Variants in GABRG2 observed in about 807,000 individuals in gnomAD.
GABRG2 encodes the protein gamma-aminobutyric acid receptor subunit gamma-2.
A neutral mutation model predicts 56.4 loss-of-function variants in GABRG2; 16 were observed. That is an observed-to-expected ratio of 0.28 (90% CI 0.19 to 0.43). GABRG2 has a LOEUF of 0.43. Among genes scored for constraint, GABRG2 ranks in the 20% least tolerant of loss-of-function variants. GABRG2 has a pLI of 1.00. For synonymous variants in GABRG2, 208 were observed against 205.5 expected (o/e 1.01, Z -0.10); for missense variants, 327 against 582.7 (o/e 0.56, Z 4.52).
chr5:162,131,966 T>C (rs1184304204), intron 6 of GABRG2, among the ~76,000 whole-genome samples: 1 of 151,692 alleles, frequency 6.6e-6, no homozygotes, highest in East Asian at 1.9e-4. Flanking sequence ...ACTTAGGTTT[T>C]GGGTGGCATT....
intron 6 of GABRG2, among the ~76,000 whole-genome samples, chr5:162,117,939 A>G (rs1406461662): frequency 2.6e-5 from 4 of 152,134 alleles, no homozygotes; most frequent in African/African-American, 7.2e-5. Flanking sequence ...CATTTCACAT[A>G]TGAAAGACAC....
At chr5:162,108,946 C>T (rs960864170) in intron 6 of GABRG2, among the ~76,000 whole-genome samples, 5 of 152,058 alleles carry the variant, frequency 3.3e-5, no homozygotes, top group African/African-American at 1.2e-4. Flanking sequence ...GTGAGTAGTG[C>T]CACAATAAAC....
intron 6 of GABRG2, among the ~76,000 whole-genome samples, chr5:162,122,308 G>A (rs1330540914): frequency 6.6e-6 from 1 of 151,832 alleles, no homozygotes; most frequent in Non-Finnish European, 1.5e-5. Flanking sequence ...CTATGAGTTA[G>A]GCCTCTGCTG....
At chr5:162,113,415 A>T (rs1762393725) in intron 6 of GABRG2, among the ~76,000 whole-genome samples, 1 of 152,198 alleles carries the variant, frequency 6.6e-6, no homozygotes, top group South Asian at 2.1e-4. Context: ...TGATGACAAG[A>T]AGATATACTA....
At chr5:162,111,191 G>C (rs1477845315) in intron 6 of GABRG2, among the ~76,000 whole-genome samples, 2 of 152,066 alleles carry the variant, frequency 1.3e-5, no homozygotes, top group Non-Finnish European at 2.9e-5. Context: ...AAAACATACT[G>C]CTTGGGGTTT....
At chr5:162,078,431 G>A in intron 1 of GABRG2, among the ~76,000 whole-genome samples, 1 of 66,084 alleles carries the variant, frequency 1.5e-5, no homozygotes, top group Non-Finnish European at 2.8e-5. Flanking sequence ...TTTTGAGACG[G>A]AGTCTTGCTC....
chr5:162,153,657 A>T lies in GABRG2; in HGVS notation c.*289A>T, dbSNP rs769488331. ...ATTTTTCAGCTACAGCAAATAAAAC[A>T]GTGAAAGCCCTGACTATTTACAGTA... On this transcript the variant is annotated 3_prime_UTR_variant, in exon 10 of 10. Transcript: ENST00000639213. The T allele has an allele frequency of 4.0e-6, 2 of 505,284 alleles. No individual in the cohort carries two copies. Among genetic ancestry groups the T allele is most frequent in the Non-Finnish European group, 7.2e-6 (2 of 278,420 alleles). The allele number at this position is 505,284 out of a possible 1,614,324, so 31.3% of individuals were successfully genotyped here.
At chr5:162,081,873 A>G (rs1434163013) in intron 1 of GABRG2, among the ~76,000 whole-genome samples, 1 of 152,002 alleles carries the variant, frequency 6.6e-6, no homozygotes, top group East Asian at 1.9e-4. Context: ...AAGGTTAAAC[A>G]TACACCTAAC....
chr5:162,079,856 T>A (rs559498367), intron 1 of GABRG2, among the ~76,000 whole-genome samples: 4 of 152,096 alleles, frequency 2.6e-5, no homozygotes, highest in Admixed American at 6.6e-5. Flanking sequence ...GATAGCTCAC[T>A]GCAGCCTCTG....
At chr5:162,152,485 TA>T (rs1765441738) in intron 9 of GABRG2, 2 of 471,860 alleles carry the variant, frequency 4.2e-6, no homozygotes, top group Non-Finnish European at 8.4e-6. Context: ...CACATGTAGG[TA>T]AACATTGTTG....
At position 162,109,389 on chromosome 5, in the gene GABRG2, AAT is replaced by A. The variant is rs535370579; in HGVS notation, c.769+5396_769+5397del. 3.8e-3 allele frequency among the ~76,000 whole-genome samples: 444 copies of A among 116,212 alleles called. 3 individuals are homozygous for A. The highest frequency in any genetic ancestry group is 0.014 in the Middle Eastern group (3 of 212). 76.2% of individuals were successfully genotyped at this position (116,212 alleles called of 152,430 possible). ...ACATGTACCCTAGAACTTAAAGTAT[AAT>A]ATATATATATATATATATATATATA... On this transcript the variant is annotated intron_variant, in intron 6 of 9. Coordinates refer to ENST00000639213, the MANE Select transcript of GABRG2 (RefSeq NM_198904.4).
chr5:162,096,172 C>T (rs942425734), intron 3 of GABRG2, among the ~76,000 whole-genome samples: 3 of 151,900 alleles, frequency 2.0e-5, no homozygotes, highest in African/African-American at 7.2e-5. Context: ...AGATGCTCTG[C>T]TAAGTGAGAG....
intron 1 of GABRG2, among the ~76,000 whole-genome samples, chr5:162,072,289 C>T (rs1366578474): frequency 6.6e-6 from 1 of 151,972 alleles, no homozygotes; most frequent in East Asian, 1.9e-4. Context: ...CTCCCTACTA[C>T]AATTTCCCAG....
chr5:162,097,928 G>T (rs2113328306), intron 4 of GABRG2, 70 bp downstream of exon 4: 6 of 1,284,854 alleles, frequency 4.7e-6, no homozygotes, highest in Non-Finnish European at 6.7e-6. Flanking sequence ...TCAACCTTAA[G>T]TCTCTAAAAG....
intron 3 of GABRG2, among the ~76,000 whole-genome samples, chr5:162,096,089 C>G (rs1000210968): frequency 1.3e-5 from 2 of 151,624 alleles, no homozygotes; most frequent in East Asian, 3.9e-4. Flanking sequence ...ATATAGTATT[C>G]TATATTATAC....
chr5:162,108,210 T>C (rs1470063058), intron 6 of GABRG2, among the ~76,000 whole-genome samples: 1 of 152,130 alleles, frequency 6.6e-6, no homozygotes, highest in Non-Finnish European at 1.5e-5. Context: ...TTCATACTCT[T>C]AATCACAACA....
chr5:162,101,731 AT>A (rs1761434435), intron 5 of GABRG2: 2 of 179,510 alleles, frequency 1.1e-5, no homozygotes, highest in South Asian at 2.3e-4. Context: ...CCACAGGACA[AT>A]TATTTCATTG....
At chr5:162,093,489 C>G (rs898744774) in intron 1 of GABRG2, among the ~76,000 whole-genome samples, 1 of 152,220 alleles carries the variant, frequency 6.6e-6, no homozygotes, top group East Asian at 1.9e-4. Flanking sequence ...ACATATGATC[C>G]TTTAACCTCC....
At chr5:162,090,773 TA>T (rs1233725783) in intron 1 of GABRG2, among the ~76,000 whole-genome samples, 1 of 152,158 alleles carries the variant, frequency 6.6e-6, no homozygotes, top group Non-Finnish European at 1.5e-5. Context: ...TGTAGATAGG[TA>T]CCTTTAGCCA....
Sources: allele counts gnomAD v4.1 joint callset (sites outside exome capture counted in the v4.1 genomes callset), GRCh38; gene constraint gnomAD v4.1.1; transcripts MANE v1.5; gene names NCBI Gene and HGNC (gene_info 2026-07-23, HGNC 2026-07-21).